The following RGS6 variants were observed in gnomAD, a reference collection of about 807,000 sequenced individuals.
The protein encoded by RGS6 is regulator of G protein signaling 6.
RGS6 carries 30 observed loss-of-function variants against 78.5 expected under a neutral mutation model. That is an observed-to-expected ratio of 0.38 (90% CI 0.29 to 0.52). The LOEUF is 0.52. RGS6 is among the 20% of genes least tolerant of loss of function. The pLI is 0.85. For synonymous variants in RGS6, 206 were observed against 206.0 expected, an observed-to-expected ratio of 1.00 and a Z score of 0.00; for missense variants, 495 against 609.7, an observed-to-expected ratio of 0.81 and a Z score of 1.98.
chr14:72,471,215 C>G (rs1566927655), intron 8 of RGS6, among the ~76,000 whole-genome samples: 1 of 152,172 alleles, frequency 6.6e-6, no homozygotes, highest in Non-Finnish European at 1.5e-5. Context: ...GGGTTTTTCC[C>G]AGATTTTTTT....
At chr14:72,129,491 A>G (rs1307480255) in intron 2 of RGS6, among the ~76,000 whole-genome samples, 1 of 152,202 alleles carries the variant, frequency 6.6e-6, no homozygotes, top group African/African-American at 2.4e-5. Flanking sequence ...GCTGCACAAC[A>G]AACTACTCCA....
chr14:72,257,453 G>T (rs1202872642), intron 2 of RGS6, among the ~76,000 whole-genome samples: 1 of 152,050 alleles, frequency 6.6e-6, no homozygotes, highest in Non-Finnish European at 1.5e-5. Flanking sequence ...AATCTTTTGG[G>T]TTTCTCTAAG....
intron 1 of RGS6, among the ~76,000 whole-genome samples, chr14:71,960,159 G>A (rs1033579707): frequency 6.6e-6 from 1 of 152,188 alleles, no homozygotes; most frequent in African/African-American, 2.4e-5. Context: ...TAGACTTGCA[G>A]GCACAATCCT....
chr14:72,306,554 G>A (rs1470687369), intron 2 of RGS6, among the ~76,000 whole-genome samples: 3 of 152,172 alleles, frequency 2.0e-5, no homozygotes, highest in Non-Finnish European at 4.4e-5. Flanking sequence ...TCTGGGAGGA[G>A]GCCAAAATTT....
chr14:72,138,540 C>T (rs2153607188), intron 2 of RGS6, among the ~76,000 whole-genome samples: 1 of 147,116 alleles, frequency 6.8e-6, no homozygotes, highest in African/African-American at 2.5e-5. Context: ...CTCTATATTC[C>T]TGTGCCCTAG....
chr14:72,259,910 C>CAAAAAAAAAAAA (rs11287556), intron 2 of RGS6, among the ~76,000 whole-genome samples: 2 of 68,400 alleles, frequency 2.9e-5, no homozygotes, highest in African/African-American at 9.0e-5. Flanking sequence ...GACTCCGTCT[C>CAAAAAAAAAAAA]AAAAAAAAAA....
At chr14:71,894,954 G>C in the RGS6 span, among the ~76,000 whole-genome samples, 2 of 152,040 alleles carry the variant, frequency 1.3e-5, no homozygotes, top group East Asian at 3.9e-4. Context: ...AGTAGAGACA[G>C]GGTTTCTCCA....
intron 1 of RGS6, among the ~76,000 whole-genome samples, chr14:71,960,611 A>G (rs1284651352): frequency 6.6e-6 from 1 of 152,248 alleles, no homozygotes; most frequent in Non-Finnish European, 1.5e-5. Context: ...CTAGAGAGGA[A>G]GTCCCTGATA....
At chr14:72,397,191 A>C (rs931000400) in intron 3 of RGS6, among the ~76,000 whole-genome samples, 134 of 152,256 alleles carry the variant, frequency 8.8e-4, no homozygotes, top group African/African-American at 2.9e-3. Flanking sequence ...TTGAGCATGG[A>C]ATGTTCTTCC....
chr14:72,276,480 A>G (rs1304433593), intron 2 of RGS6, among the ~76,000 whole-genome samples: 1 of 152,200 alleles, frequency 6.6e-6, no homozygotes, highest in Non-Finnish European at 1.5e-5. Context: ...AAATGTCTAA[A>G]AAACCTCCTT....
the RGS6 span, chr14:72,620,007 C>A: frequency 6.6e-7 from 1 of 1,524,966 alleles, no homozygotes; most frequent in South Asian, 1.2e-5. Flanking sequence ...AGAGTAAGCA[C>A]AGAGGAGGAG....
chr14:72,300,842 G>C (rs1340123871), intron 2 of RGS6, among the ~76,000 whole-genome samples: 1 of 152,198 alleles, frequency 6.6e-6, no homozygotes, highest in Non-Finnish European at 1.5e-5. Context: ...AGGTTCATCT[G>C]AGTGAAAAAA....
intron 2 of RGS6, among the ~76,000 whole-genome samples, chr14:72,152,635 T>C (rs143320121): frequency 2.6e-4 from 40 of 152,262 alleles, no homozygotes; most frequent in African/African-American, 9.4e-4. Context: ...TACACTGTTT[T>C]AGGTATTCTT....
At chr14:72,258,471 C>T (rs138166604) in intron 2 of RGS6, among the ~76,000 whole-genome samples, 1 of 152,216 alleles carries the variant, frequency 6.6e-6, no homozygotes, top group East Asian at 1.9e-4. Flanking sequence ...GGAATTGTGC[C>T]CCTTTACAAT....
chr14:72,548,348 CGTGTGTGTGTGTGTGTGT>C, intron 17 of RGS6, among the ~76,000 whole-genome samples: 1 of 129,558 alleles, frequency 7.7e-6, no homozygotes, highest in African/African-American at 3.1e-5. Flanking sequence ...TGTGTGCGCG[CGTGTGTGTGTGTGTGTGT>C]GTGTGTTTTA....
chr14:72,072,738 C>A (rs1280450332), intron 2 of RGS6, among the ~76,000 whole-genome samples: 1 of 152,196 alleles, frequency 6.6e-6, no homozygotes, highest in Non-Finnish European at 1.5e-5. Flanking sequence ...AATTAAGCAA[C>A]TTAATATATG....
intron 17 of RGS6, chr14:72,547,145 G>T (rs986065480): frequency 5.9e-6 from 9 of 1,532,972 alleles, no homozygotes; most frequent in Non-Finnish European, 7.0e-6. Context: ...CAGGATGCCC[G>T]CCTCTGCCTA....
At chr14:71,921,146 C>T in the RGS6 span, among the ~76,000 whole-genome samples, 11 of 152,124 alleles carry the variant, frequency 7.2e-5, no homozygotes, top group Non-Finnish European at 4.4e-5. Context: ...ACCAAAACCA[C>T]AATGAGATAT....
chr14:72,452,795 G>T (rs566653510), intron 3 of RGS6, among the ~76,000 whole-genome samples: 1 of 152,248 alleles, frequency 6.6e-6, no homozygotes, highest in Non-Finnish European at 1.5e-5. Flanking sequence ...AGATCTTTGG[G>T]TGGCAAAGGT....
Sources: allele counts gnomAD v4.1 joint callset (sites outside exome capture counted in the v4.1 genomes callset), GRCh38; gene constraint gnomAD v4.1.1; transcripts MANE v1.5; gene names NCBI Gene and HGNC (gene_info 2026-07-23, HGNC 2026-07-21).